SGCZ: variants seen among roughly 807,000 people sequenced by gnomAD.
The protein encoded by SGCZ is zeta-sarcoglycan.
Under a neutral mutation model 41.3 loss-of-function variants are expected in SGCZ, and 40 were observed. The ratio of observed to expected loss-of-function variants is 0.97; its 90% CI spans 0.75 to 1.26. The LOEUF (loss-of-function observed/expected upper bound fraction) is 1.26. SGCZ is among the 50% of genes most tolerant of loss of function. The pLI is 0.00. For missense variants in SGCZ, 552 were observed against 369.8 expected, an observed-to-expected ratio of 1.49 and a Z score of -4.04; for synonymous variants, 206 against 137.5, an observed-to-expected ratio of 1.50 and a Z score of -3.49.
At chr8:14,650,108 C>A (rs550521111) in intron 1 of SGCZ, among the ~76,000 whole-genome samples, 1 of 151,992 alleles carries the variant, frequency 6.6e-6, no homozygotes, top group Non-Finnish European at 1.5e-5. Flanking sequence ...CAGACATAGA[C>A]GCAATTTAAA....
intron 2 of SGCZ, among the ~76,000 whole-genome samples, chr8:14,484,333 G>A (rs374564277): frequency 1.3e-5 from 2 of 152,054 alleles, no homozygotes; most frequent in Middle Eastern, 3.2e-3. Context: ...AAGTGCAAAC[G>A]ATGCAAGTTA....
chr8:15,135,222 T>G (rs1808061093), intron 1 of SGCZ, among the ~76,000 whole-genome samples: 1 of 152,180 alleles, frequency 6.6e-6, no homozygotes, highest in Non-Finnish European at 1.5e-5. Context: ...ATCAATGTAT[T>G]CCCCTAAAGG....
intron 1 of SGCZ, among the ~76,000 whole-genome samples, chr8:15,097,864 G>A (rs371368478): frequency 0.031 from 1,138 of 36,542 alleles, 44 homozygotes; most frequent in African/African-American, 0.066. Context: ...ATACGTGTGT[G>A]TGTATATATA....
At chr8:15,169,028 A>G (rs992500306) in intron 1 of SGCZ, among the ~76,000 whole-genome samples, 2 of 152,106 alleles carry the variant, frequency 1.3e-5, no homozygotes, top group African/African-American at 2.4e-5. Context: ...GTTTTGATAC[A>G]TGTTTTCTAA....
intron 1 of SGCZ, among the ~76,000 whole-genome samples, chr8:14,769,855 GAA>G (rs35255411): frequency 1.5e-5 from 2 of 134,404 alleles, no homozygotes; most frequent in Admixed American, 7.5e-5. Context: ...CTTCTTGCTG[GAA>G]AAAAAAAATA....
At chr8:14,717,544 T>G (rs1284321839) in intron 1 of SGCZ, among the ~76,000 whole-genome samples, 1 of 152,150 alleles carries the variant, frequency 6.6e-6, no homozygotes, top group Non-Finnish European at 1.5e-5. Context: ...CCATTCTCTC[T>G]AGTGATGAGA....
chr8:15,038,622 T>C (rs1315736414), intron 1 of SGCZ, among the ~76,000 whole-genome samples: 1 of 151,706 alleles, frequency 6.6e-6, no homozygotes, highest in Non-Finnish European at 1.5e-5. Flanking sequence ...TGCATCAAAT[T>C]ACAGAGCTTC....
rs1387001810 is a variant in SGCZ, at chr8:14,186,505, G to T, written c.425-21803C>A. Among the ~76,000 whole-genome samples, 3 of 152,122 alleles carry T rather than the reference G, an allele frequency of 2.0e-5. No homozygotes were observed. The East Asian group carries it at 5.8e-4, about 29-fold the overall frequency. Reference sequence around the variant, plus strand: ...CTGGCCCTGGTTCTTTCATAGGATGGAGGGTCCAGGCCACGATAGGCTAGA... The same window carrying T: ...CTGGCCCTGGTTCTTTCATAGGATGTAGGGTCCAGGCCACGATAGGCTAGA... On this transcript the variant is annotated intron_variant, in intron 4 of 7. Coordinates refer to ENST00000382080, the MANE Select transcript of SGCZ (RefSeq NM_139167.4).
At chr8:14,627,511 C>T (rs1806501365) in intron 1 of SGCZ, among the ~76,000 whole-genome samples, 1 of 152,168 alleles carries the variant, frequency 6.6e-6, no homozygotes, top group East Asian at 1.9e-4. Context: ...ATTTAAAGTC[C>T]TCTAGCATCA....
chr8:15,234,311 A>G (rs925523179), intron 1 of SGCZ, among the ~76,000 whole-genome samples: 14 of 152,222 alleles, frequency 9.2e-5, no homozygotes, highest in Admixed American at 7.2e-4. Context: ...TCTAATATCA[A>G]TATTCATTAA....
In SGCZ at chr8:14,283,194, T is replaced by TA. The variant is rs962814068; in HGVS notation, c.336+40908dup. 6.6e-5 allele frequency among the ~76,000 whole-genome samples: 10 copies of TA among 152,094 alleles called. No individual in the cohort carries two copies. In the East Asian group the frequency reaches 7.7e-4, roughly 12 times the overall value. ...CTCTCCTTCTCTTGTCGATATAGAT[T>TA]AAAAAAATACCAATCTTAAATGACT... On this transcript the variant is annotated intron_variant, in intron 3 of 7. Coordinates refer to ENST00000382080, the MANE Select transcript of SGCZ (RefSeq NM_139167.4).
At chr8:14,698,245 T>C (rs930889566) in intron 1 of SGCZ, among the ~76,000 whole-genome samples, 2 of 151,964 alleles carry the variant, frequency 1.3e-5, no homozygotes, top group African/African-American at 4.8e-5. Context: ...GAAGGTATTA[T>C]TGGAGACTCT....
chr8:14,626,358 A>G (rs1806454225), intron 1 of SGCZ, among the ~76,000 whole-genome samples: 1 of 151,612 alleles, frequency 6.6e-6, no homozygotes, highest in African/African-American at 2.4e-5. Flanking sequence ...CCCTGTATCC[A>G]TGTGTTCTTA....
At chr8:14,360,289 G>T (rs1348728980) in intron 2 of SGCZ, among the ~76,000 whole-genome samples, 1 of 151,380 alleles carries the variant, frequency 6.6e-6, no homozygotes, top group Non-Finnish European at 1.5e-5. Flanking sequence ...AAGAAATAAA[G>T]GGCATCCAAA....
chr8:14,229,427 C>A (rs1227860946), intron 4 of SGCZ, among the ~76,000 whole-genome samples: 1 of 151,960 alleles, frequency 6.6e-6, no homozygotes, highest in African/African-American at 2.4e-5. Context: ...GCATCTACTT[C>A]AACTTACAAT....
intron 1 of SGCZ, among the ~76,000 whole-genome samples, chr8:14,957,167 T>G (rs1288351110): frequency 6.6e-6 from 1 of 152,168 alleles, no homozygotes; most frequent in Non-Finnish European, 1.5e-5. Flanking sequence ...ATATGTATAA[T>G]TTTGTTTTCT....
chr8:14,904,035 A>G (rs905029718), intron 1 of SGCZ, among the ~76,000 whole-genome samples: 1 of 152,068 alleles, frequency 6.6e-6, no homozygotes, highest in African/African-American at 2.4e-5. Flanking sequence ...TTAAAAGTCA[A>G]CTAAAGGAAA....
chr8:14,499,752 C>G (rs1802095629), intron 2 of SGCZ, among the ~76,000 whole-genome samples: 1 of 151,788 alleles, frequency 6.6e-6, no homozygotes, highest in Admixed American at 6.6e-5. Flanking sequence ...GTATCTTCCC[C>G]TTATCAATTT....
At chr8:14,895,918 G>A (rs1805178983) in intron 1 of SGCZ, among the ~76,000 whole-genome samples, 1 of 152,168 alleles carries the variant, frequency 6.6e-6, no homozygotes, top group Non-Finnish European at 1.5e-5. Context: ...TTTATAATGT[G>A]TATATAGGGT....
Sources: allele counts gnomAD v4.1 joint callset (sites outside exome capture counted in the v4.1 genomes callset), GRCh38; gene constraint gnomAD v4.1.1; transcripts MANE v1.5; gene names NCBI Gene and HGNC (gene_info 2026-07-23, HGNC 2026-07-21).